Variants in RABEP1 observed in about 807,000 individuals in gnomAD.
RABEP1 encodes the protein rab GTPase-binding effector protein 1.
In RABEP1, 51 loss-of-function variants were observed where a neutral mutation model predicts 123.4. That is an observed-to-expected ratio of 0.41 (90% CI 0.33 to 0.52). The LOEUF (loss-of-function observed/expected upper bound fraction) is 0.52. Ranked by LOEUF, RABEP1 falls within the 20% of genes least tolerant of loss-of-function variation. RABEP1 has a pLI of 0.16. For synonymous variants in RABEP1, 347 were observed against 355.2 expected, an observed-to-expected ratio of 0.98 and a Z score of 0.26; for missense variants, 888 against 996.3, an observed-to-expected ratio of 0.89 and a Z score of 1.46.
At chr17:5,354,515 C>A in intron 8 of RABEP1, 25 bp downstream of exon 8, 2 of 1,576,356 alleles carry the variant, frequency 1.3e-6, no homozygotes, top group South Asian at 2.4e-5. Flanking sequence ...TAATTAAAGT[C>A]ATTAAATACA....
At chr17:5,334,281 G>T (rs990589976) in intron 3 of RABEP1, among the ~76,000 whole-genome samples, 1 of 151,798 alleles carries the variant, frequency 6.6e-6, no homozygotes, top group Non-Finnish European at 1.5e-5. Context: ...ACCCAGGCTG[G>T]AGTGCGGTGG....
chr17:5,304,143 CTT>C lies in RABEP1; in HGVS notation c.35-4550_35-4549del, dbSNP rs1363554815. On this transcript the variant is annotated intron_variant, in intron 1 of 17. Transcript: ENST00000537505. ...AATATTTTAAGTTATTGCGTGTTCTCTTGTTTATATCAAAATTATTATTAGGT... is the reference window on the plus strand; with the variant it reads ...AATATTTTAAGTTATTGCGTGTTCTCGTTTATATCAAAATTATTATTAGGT... Among the ~76,000 whole-genome samples the C allele has an allele frequency of 4.6e-5, 7 of 152,092 alleles. No individual in the cohort carries two copies. The East Asian group carries it at 1.4e-3, about 29-fold the overall frequency.
intron 7 of RABEP1, 103 bp from the exon 8 acceptor site, chr17:5,354,256 T>C (rs960575924): frequency 4.0e-5 from 44 of 1,096,398 alleles, no homozygotes; most frequent in African/African-American, 8.0e-5. Flanking sequence ...AGTTTTCTCT[T>C]ATCATAACGC....
intron 12 of RABEP1, chr17:5,371,662 T>G (rs982006107): frequency 6.6e-6 from 1 of 152,242 alleles, no homozygotes; most frequent in Admixed American, 6.5e-5. Flanking sequence ...TAGGCCTGTT[T>G]GTCCTTCAGA....
Position 5,282,411 on chromosome 17 carries a change from C to A in RABEP1, c.-76C>A. 1.7e-6 allele frequency: 2 copies of A among 1,197,822 alleles called. No individual in the cohort carries two copies. The highest frequency in any genetic ancestry group is 2.2e-6 in the Non-Finnish European group (2 of 910,900). 74.2% of individuals were successfully genotyped at this position (1,197,822 alleles called of 1,614,324 possible). ...GGCGGCGGCTCGGTTGACGCCTCCT[C>A]CGCCAGCTGAGCCCGCGGGAGCCCA... On this transcript the variant is annotated 5_prime_UTR_variant, in exon 1 of 18. Transcript: ENST00000537505.
chr17:5,341,343 A>G (rs1907588363), intron 5 of RABEP1, among the ~76,000 whole-genome samples: 1 of 152,228 alleles, frequency 6.6e-6, no homozygotes, highest in Admixed American at 6.5e-5. Context: ...TGTCACACAA[A>G]TAAATTTGAA....
chr17:5,386,072 A>C lies in RABEP1; in HGVS notation c.*2849A>C. The C allele has an allele frequency of 1.6e-6, 1 of 637,086 alleles. No individual in the cohort carries two copies. Among genetic ancestry groups the C allele is most frequent in the Non-Finnish European group, 2.7e-6 (1 of 364,998 alleles). The allele number at this position is 637,086 out of a possible 1,614,324, so 39.5% of individuals were successfully genotyped here. ...ATTTACTCAATTATTATAAAACAAC[A>C]TATTTAAAAAGATGAACCACACCAA... On this transcript the variant is annotated 3_prime_UTR_variant, in exon 18 of 18. Coordinates refer to ENST00000537505, the MANE Select transcript of RABEP1 (RefSeq NM_004703.6).
chr17:5,318,605 C>T (rs1320137509), intron 2 of RABEP1, among the ~76,000 whole-genome samples: 1 of 152,122 alleles, frequency 6.6e-6, no homozygotes, highest in African/African-American at 2.4e-5. Flanking sequence ...TTCTATCTGC[C>T]ATTTAAGGAA....
intron 2 of RABEP1, among the ~76,000 whole-genome samples, chr17:5,318,742 C>T (rs1312791022): frequency 6.6e-6 from 1 of 152,144 alleles, no homozygotes; most frequent in East Asian, 1.9e-4. Flanking sequence ...ATCTCAAAAC[C>T]ATACAAAGAC....
intron 2 of RABEP1, among the ~76,000 whole-genome samples, chr17:5,325,348 AAG>A (rs368051450): frequency 1.4e-4 from 22 of 152,132 alleles, no homozygotes; most frequent in African/African-American, 5.1e-4. Flanking sequence ...CCAAAAAAAA[AAG>A]GAAAGAATGA....
intron 12 of RABEP1, among the ~76,000 whole-genome samples, chr17:5,368,912 T>C (rs749611026): frequency 7.2e-5 from 11 of 151,940 alleles, no homozygotes; most frequent in Non-Finnish European, 1.6e-4. Context: ...ATTGAGACCA[T>C]CCTGTCTAAC....
At chr17:5,341,449 T>TA (rs1490059489) in intron 5 of RABEP1, among the ~76,000 whole-genome samples, 1 of 152,042 alleles carries the variant, frequency 6.6e-6, no homozygotes, top group Non-Finnish European at 1.5e-5. Context: ...GGATCTAGAG[T>TA]AAAAAATCTT....
chr17:5,376,836 G>T (rs565806537), intron 13 of RABEP1, among the ~76,000 whole-genome samples: 1 of 152,224 alleles, frequency 6.6e-6, no homozygotes, highest in Admixed American at 6.5e-5. Context: ...ATGGCATATT[G>T]TAAGTCACTT....
chr17:5,338,637 A>G (rs543257752), intron 5 of RABEP1, among the ~76,000 whole-genome samples: 3 of 152,224 alleles, frequency 2.0e-5, no homozygotes, highest in Non-Finnish European at 4.4e-5. Context: ...GACATTTAAA[A>G]TAATCACAAT....
chr17:5,322,628 A>G (rs142816537), intron 2 of RABEP1, among the ~76,000 whole-genome samples: 2 of 152,306 alleles, frequency 1.3e-5, no homozygotes, highest in African/African-American at 4.8e-5. Flanking sequence ...AGATACGGAA[A>G]TCCTTGAAAA....
At chr17:5,314,304 A>G (rs1218444576) in intron 2 of RABEP1, among the ~76,000 whole-genome samples, 1 of 116,980 alleles carries the variant, frequency 8.5e-6, no homozygotes, top group Non-Finnish European at 1.6e-5. Flanking sequence ...GTGCAGTGGC[A>G]CGATCTTGGC....
intron 2 of RABEP1, among the ~76,000 whole-genome samples, chr17:5,322,376 A>T (rs1401753210): frequency 6.6e-6 from 1 of 152,006 alleles, no homozygotes; most frequent in African/African-American, 2.4e-5. Flanking sequence ...AAAAGAAAAG[A>T]CCGTAAAAAG....
intron 12 of RABEP1, among the ~76,000 whole-genome samples, chr17:5,370,571 G>C (rs1910447932): frequency 6.6e-6 from 1 of 152,044 alleles, no homozygotes. Context: ...CAATTGCTTT[G>C]TTTCAGGCCA....
Position 5,361,629 on chromosome 17 carries a change from G to A in RABEP1, c.1517G>A (p.Gly506Asp). 1 of 1,611,556 alleles carries A rather than the reference G, an allele frequency of 6.2e-7. No homozygotes were observed. Among genetic ancestry groups the A allele is most frequent in the African/African-American group, 1.3e-5 (1 of 74,882 alleles). ...GMESAYVSPS[G>D]YRLVSETEWN... ...GAGAGTGCCTATGTGTCCCCTAGTG[G>A]TTATCGTTTAGTTAGTGAAACAGAA... Residue 506 changes from glycine (G) to aspartate (D), a missense_variant, in exon 9 of 18, where the codon GGT (glycine) becomes GAT (aspartate). Gly to Asp is a moderately conservative substitution (Grantham distance 94). Transcript: ENST00000537505.
Sources: allele counts gnomAD v4.1 joint callset (sites outside exome capture counted in the v4.1 genomes callset), GRCh38; gene constraint gnomAD v4.1.1; transcripts MANE v1.5; gene names NCBI Gene and HGNC (gene_info 2026-07-23, HGNC 2026-07-21).